Variants in TMEM181 observed in about 807,000 individuals in gnomAD.
The protein encoded by TMEM181 is transmembrane protein 181.
Under a neutral mutation model 71.9 loss-of-function variants are expected in TMEM181, and 39 were observed. The observed-to-expected ratio is 0.54, with a 90% CI of 0.42 to 0.71. TMEM181 has a LOEUF of 0.71. Among genes scored for constraint, TMEM181 ranks in the 30% least tolerant of loss-of-function variants. The probability of loss-of-function intolerance (pLI) is 0.00; values close to 1 mark genes in which losing one functional copy is unlikely to be tolerated. For synonymous variants in TMEM181, 245 were observed against 228.8 expected, an observed-to-expected ratio of 1.07 and a Z score of -0.64; for missense variants, 595 against 583.0, an observed-to-expected ratio of 1.02 and a Z score of -0.21.
intron 13 of TMEM181, among the ~76,000 whole-genome samples, 171 bp downstream of exon 13, chr6:158,625,925 T>A (rs776604673): frequency 5.7e-4 from 86 of 152,194 alleles, no homozygotes; most frequent in Non-Finnish European, 1.1e-3. Flanking sequence ...GCCGTCAGCC[T>A]GGAGAGCATG....
chr6:158,586,988 C>A (rs1380995009), intron 5 of TMEM181, among the ~76,000 whole-genome samples: 2 of 152,114 alleles, frequency 1.3e-5, no homozygotes, highest in African/African-American at 4.8e-5. Context: ...GACCATGGCC[C>A]AAGAATCTGC....
Position 158,620,605 on chromosome 6 carries a change from G to C in TMEM181, c.897-2945G>C, listed in dbSNP as rs1785899736. Among the ~76,000 whole-genome samples the C allele has an allele frequency of 6.6e-6, 1 of 152,192 alleles. No homozygotes were observed. The highest frequency in any genetic ancestry group is 6.5e-5 in the Admixed American group (1 of 15,276). On this transcript the variant is annotated intron_variant, in intron 10 of 16. Coordinates refer to ENST00000684151, the MANE Select transcript of TMEM181 (RefSeq NM_001376852.1). This position sits in a 1 kb window ranked among gnomAD's most constrained non-coding sequence, Gnocchi z 4.5. ...TGGATTCCTGAGACCTGAGGGTTTT[G>C]AGAGCCCACTGGGGAGTAGCCCCCG...
intron 1 of TMEM181, among the ~76,000 whole-genome samples, chr6:158,565,945 C>T (rs1331891275): frequency 1.3e-5 from 2 of 152,204 alleles, no homozygotes; most frequent in Non-Finnish European, 2.9e-5. Flanking sequence ...AAGGACAGTT[C>T]CCGGCACCTC....
At chr6:158,603,588 GTTT>G (rs35319740) in intron 6 of TMEM181, among the ~76,000 whole-genome samples, 48,035 of 136,108 alleles carry the variant, frequency 0.35, 8,546 homozygotes, top group East Asian at 0.74. Flanking sequence ...TTTTTTTCAG[GTTT>G]TTTTTTTTTT....
Position 158,635,038 on chromosome 6 carries a change from AAAAG to A in TMEM181, c.*3152_*3155del, listed in dbSNP as rs1205572949. 1 of 152,114 alleles carries A rather than the reference AAAAG, an allele frequency of 6.6e-6. No individual in the cohort carries two copies. Among genetic ancestry groups the A allele is most frequent in the Non-Finnish European group, 1.5e-5 (1 of 68,024 alleles). 9.4% of individuals were successfully genotyped at this position (152,114 alleles called of 1,614,324 possible). On this transcript the variant is annotated 3_prime_UTR_variant, in exon 17 of 17. Transcript: ENST00000684151. ...GGTTAGACTTTTGAAGAAAAAAAAA[AAAAG>A]ATACAGATCTTTTCCCCTGGCCAAA...
rs1016975027 is a variant in TMEM181 at position 158,620,316 on chromosome 6, T to G, written c.897-3234T>G. Among the ~76,000 whole-genome samples, 1 of 151,874 alleles carries G rather than the reference T, an allele frequency of 6.6e-6. No individual in the cohort carries two copies. Among genetic ancestry groups the G allele is most frequent in the African/African-American group, 2.4e-5 (1 of 41,342 alleles). ...GAGAAGAAACTGGGCGCCCCCAAGA[T>G]GTCCTCTAGCTTAGTCCCACTGGTC... On this transcript the variant is annotated intron_variant, in intron 10 of 16. Transcript: ENST00000684151. The surrounding 1 kb of genome is among the most constrained non-coding windows in gnomAD (Gnocchi z 4.5).
At chr6:158,559,928 G>A (rs756119634), upstream of TMEM181, among the ~76,000 whole-genome samples, 173 of 152,136 alleles carry the variant, frequency 1.1e-3, no homozygotes, top group Non-Finnish European at 1.7e-3. Context: ...CCAGCTCAGG[G>A]CTAGCCTGGG....
intron 6 of TMEM181, among the ~76,000 whole-genome samples, chr6:158,594,120 TC>T (rs1562641703): frequency 2.1e-5 from 3 of 139,656 alleles, no homozygotes; most frequent in South Asian, 2.2e-4. Flanking sequence ...TTTTTTTTTT[TC>T]TGAGACAGAG....
At chr6:158,593,201 A>G (rs926775675) in intron 6 of TMEM181, among the ~76,000 whole-genome samples, 1 of 152,220 alleles carries the variant, frequency 6.6e-6, no homozygotes, top group Non-Finnish European at 1.5e-5. Context: ...TCAGCAGTAG[A>G]TTTCTGGTTA....
At chr6:158,614,959 T>G (rs1396193484) in intron 10 of TMEM181, among the ~76,000 whole-genome samples, 1 of 152,238 alleles carries the variant, frequency 6.6e-6, no homozygotes, top group Non-Finnish European at 1.5e-5. Context: ...CGTGTGCATG[T>G]GTCTTTATAG....
At chr6:158,596,806 T>TA (rs1295605235) in intron 6 of TMEM181, among the ~76,000 whole-genome samples, 2 of 152,116 alleles carry the variant, frequency 1.3e-5, no homozygotes, top group Non-Finnish European at 2.9e-5. Context: ...GAAACCCTGA[T>TA]AAACCCATCA....
At chr6:158,623,323 A>G (rs1786081216) in intron 10 of TMEM181, among the ~76,000 whole-genome samples, 1 of 152,214 alleles carries the variant, frequency 6.6e-6, no homozygotes, top group Admixed American at 6.5e-5. Context: ...GCAACTTTCC[A>G]ATACTGATAA....
At chr6:158,575,608 G>A (rs533348502) in intron 2 of TMEM181, among the ~76,000 whole-genome samples, 207 of 152,254 alleles carry the variant, frequency 1.4e-3, no homozygotes, top group African/African-American at 4.7e-3. Flanking sequence ...GTGAGTCACC[G>A]CAGCCAGCCA....
chr6:158,539,615 C>T (rs1781263823), intron 1 of TMEM181, among the ~76,000 whole-genome samples: 1 of 152,236 alleles, frequency 6.6e-6, no homozygotes, highest in African/African-American at 2.4e-5. Flanking sequence ...GTTTACAAAA[C>T]ATGATTGGCC....
At chr6:158,584,926 A>G (rs1783679373) in intron 4 of TMEM181, among the ~76,000 whole-genome samples, 1 of 152,238 alleles carries the variant, frequency 6.6e-6, no homozygotes, top group Non-Finnish European at 1.5e-5. Flanking sequence ...TATAATGAGA[A>G]AAACCTATAA....
rs139521782 is a variant in TMEM181 at position 158,578,210 on chromosome 6, T to G, written c.113-2730T>G. 2.7e-3 allele frequency among the ~76,000 whole-genome samples: 410 copies of G among 152,350 alleles called. 1 individual carries two copies. The highest frequency in any genetic ancestry group is 5.0e-3 in the Non-Finnish European group (337 of 68,038). On this transcript the variant is annotated intron_variant, in intron 2 of 16. Transcript: ENST00000684151. ...TAAAATTTGAGGAAGTTATTACTATTAGACCTGCCCTGCAAGTATTGCTGA... is the reference window on the plus strand; with the variant it reads ...TAAAATTTGAGGAAGTTATTACTATGAGACCTGCCCTGCAAGTATTGCTGA...
At chr6:158,601,773 A>G (rs905629329) in intron 6 of TMEM181, among the ~76,000 whole-genome samples, 1 of 151,982 alleles carries the variant, frequency 6.6e-6, no homozygotes, top group Non-Finnish European at 1.5e-5. Context: ...AAAAAAAAAA[A>G]AACAAGGCTA....
At chr6:158,582,196 T>A (rs1783520823) in intron 3 of TMEM181, among the ~76,000 whole-genome samples, 1 of 152,220 alleles carries the variant, frequency 6.6e-6, no homozygotes, top group African/African-American at 2.4e-5. Flanking sequence ...ATGATCTGAT[T>A]TGAGGAGGTG....
At chr6:158,575,357 C>CT (rs5881279) in intron 2 of TMEM181, among the ~76,000 whole-genome samples, 43,472 of 149,412 alleles carry the variant, frequency 0.29, 6,708 homozygotes, top group Middle Eastern at 0.44. Context: ...CCAGATTCTT[C>CT]TTTTTTTTTT....
Sources: gnomAD v4.1 joint callset for allele counts (sites outside exome capture counted in the v4.1 genomes callset) on GRCh38, gnomAD v4.1.1 for gene constraint, Gnocchi (gnomAD v3.1) non-coding constraint, MANE v1.5 for transcripts, NCBI Gene and HGNC (gene_info 2026-07-23, HGNC 2026-07-21) for gene names.